Variants in FAM133A observed in about 807,000 individuals in gnomAD.
FAM133A encodes the protein family with sequence similarity 133 member A.
For synonymous variants in FAM133A, 65 were observed against 58.6 expected, an observed-to-expected ratio of 1.11 and a Z score of -0.50; for missense variants, 159 against 164.4, an observed-to-expected ratio of 0.97 and a Z score of 0.18.
At chrX:93,688,375 C>G (rs60724271) in intron 2 of FAM133A, among the ~76,000 whole-genome samples, 1,808 of 110,604 alleles carry the variant, frequency 0.016, 45 homozygotes, top group African/African-American at 0.056. Flanking sequence ...CACTGGTCCC[C>G]GAATCACTGA....
rs1170623487 is a variant in FAM133A at position 93,696,914 on chromosome X, C to T, written c.-192-1483C>T. On this transcript the variant is annotated intron_variant, in intron 2 of 3. Coordinates refer to ENST00000683942, the MANE Select transcript of FAM133A (RefSeq NM_001171109.2). ...CAGCCTGGGCGATAGAGTGAGACTC[C>T]GTCTCAAAAAGAAAAAAAAAAAAAG... is the stretch of plus-strand genomic sequence containing the variant. Among the ~76,000 whole-genome samples, 19 of 82,672 alleles carry T rather than the reference C, an allele frequency of 2.3e-4. No homozygotes were observed. In the East Asian group the frequency reaches 3.3e-3, roughly 14 times the overall value. 71.8% of individuals were successfully genotyped at this position (82,672 alleles called of 115,157 possible). A position where few individuals can be genotyped will look rare whatever the true frequency, so the allele number is the denominator to read the frequency against.
intron 2 of FAM133A, among the ~76,000 whole-genome samples, chrX:93,691,362 A>G (rs1286022328): frequency 8.9e-6 from 1 of 111,885 alleles, no homozygotes; most frequent in Admixed American, 9.5e-5. Context: ...TTTCTTTTCA[A>G]AAAAGATGGA....
At chrX:93,699,832 A>G (rs1252334062) in intron 3 of FAM133A, among the ~76,000 whole-genome samples, 1 of 111,241 alleles carries the variant, frequency 9.0e-6, no homozygotes. Flanking sequence ...TACTTAAAGT[A>G]TTTTCCTATC....
chrX:93,704,477 G>A, intron 3 of FAM133A, among the ~76,000 whole-genome samples: 1 of 111,310 alleles, frequency 9.0e-6, no homozygotes, highest in Non-Finnish European at 1.9e-5. Context: ...AGAGTTGAAT[G>A]CTTCAGATTA....
At position 93,712,004 on chromosome X, in the gene FAM133A, T is replaced by G. The variant is rs936070625; in HGVS notation, c.*1838T>G. ...TTCCAAACCTCTTGTAGTTAGGCAA[T>G]GCCATTTGACTACTTCAAGCAGAGG... On this transcript the variant is annotated 3_prime_UTR_variant, in exon 4 of 4. Transcript: ENST00000683942. 8.1e-6 allele frequency: 1 copy of G among 123,284 alleles called. No homozygotes were observed. Among genetic ancestry groups the G allele is most frequent in the African/African-American group, 3.3e-5 (1 of 30,765 alleles). 10.2% of individuals were successfully genotyped at this position (123,284 alleles called of 1,213,427 possible).
intron 3 of FAM133A, among the ~76,000 whole-genome samples, chrX:93,705,082 T>C (rs1393497126): frequency 9.0e-6 from 1 of 111,392 alleles, no homozygotes; most frequent in Admixed American, 9.6e-5. Context: ...TCCCCAGTCA[T>C]GATTATGATT....
intron 2 of FAM133A, among the ~76,000 whole-genome samples, chrX:93,679,662 A>G (rs758463745): frequency 1.8e-5 from 2 of 110,520 alleles, no homozygotes; most frequent in African/African-American, 6.6e-5. Flanking sequence ...GCATTTTAAC[A>G]TATATATTAC....
intron 2 of FAM133A, among the ~76,000 whole-genome samples, chrX:93,675,688 A>G (rs1202273129): frequency 1.8e-5 from 2 of 111,482 alleles, no homozygotes; most frequent in African/African-American, 6.5e-5. Flanking sequence ...AATTATTATC[A>G]CAATTTACAG....
chrX:93,687,546 A>G (rs1378669705), intron 2 of FAM133A, among the ~76,000 whole-genome samples: 2 of 111,929 alleles, frequency 1.8e-5, no homozygotes, highest in Non-Finnish European at 3.8e-5. Context: ...TAATGGTTAT[A>G]CATATTTACG....
chrX:93,708,746 C>T (rs1012131211), intron 3 of FAM133A, among the ~76,000 whole-genome samples: 14 of 111,839 alleles, frequency 1.3e-4, no homozygotes, highest in African/African-American at 4.5e-4. Context: ...ATAGCCCAAG[C>T]GAGAGATGAT....
intron 3 of FAM133A, among the ~76,000 whole-genome samples, chrX:93,705,579 G>A (rs1025696353): frequency 4.7e-4 from 52 of 111,180 alleles, no homozygotes; most frequent in Non-Finnish European, 3.2e-4. Flanking sequence ...AATCTTAGCA[G>A]ACAACCTTGG....
chrX:93,709,896 G>C lies in FAM133A; in HGVS notation c.477G>C (p.Lys159Asn). 8.4e-7 allele frequency: 1 copy of C among 1,196,733 alleles called. No individual in the cohort carries two copies. Among genetic ancestry groups the C allele is most frequent in the African/African-American group, 1.8e-5 (1 of 56,844 alleles). The change falls in exon 4 of 4, where the codon AAG (lysine) becomes AAC (asparagine). Residue 159 changes from lysine (K) to asparagine (N), a missense_variant. Coordinates refer to ENST00000683942, the MANE Select transcript of FAM133A (RefSeq NM_001171109.2). ...CAGAGAGCAAGGAGTCTGTAAAAAA[G>C]AAAAAGAAGTCAAAGGATGAAACAG... ...SESESKESVK[K>N]KKKSKDETEK...
intron 2 of FAM133A, among the ~76,000 whole-genome samples, chrX:93,682,264 A>G (rs1354415031): frequency 1.8e-5 from 2 of 112,231 alleles, no homozygotes; most frequent in Non-Finnish European, 3.8e-5. Flanking sequence ...TTCTGATAAC[A>G]TAGTGCATGT....
chrX:93,702,999 G>A (rs1035698811), intron 3 of FAM133A, among the ~76,000 whole-genome samples: 12 of 110,119 alleles, frequency 1.1e-4, no homozygotes, highest in Non-Finnish European at 2.1e-4. Flanking sequence ...ATCAGCCGTG[G>A]TGACATGGCG....
intron 2 of FAM133A, among the ~76,000 whole-genome samples, chrX:93,681,035 G>A (rs980013985): frequency 9.0e-6 from 1 of 110,943 alleles, no homozygotes; most frequent in Non-Finnish European, 1.9e-5. Context: ...ACCACATCAC[G>A]GAAGAATACT....
chrX:93,704,010 A>G (rs1271116545), intron 3 of FAM133A, among the ~76,000 whole-genome samples: 2 of 112,065 alleles, frequency 1.8e-5, no homozygotes, highest in South Asian at 7.4e-4. Flanking sequence ...TCCAGTCAGG[A>G]TAAGAGTGAT....
rs33985910 is a variant in FAM133A, at chrX:93,702,837, TAAAAAAAAAAAAAAAAA to T, written c.-104+4369_-104+4385del. 1.9e-3 allele frequency among the ~76,000 whole-genome samples: 82 copies of T among 43,045 alleles called. 1 individual carries two copies. The highest frequency in any genetic ancestry group is 6.8e-3 in the African/African-American group (78 of 11,551). The allele number at this position is 43,045 out of a possible 115,157, so 37.4% of individuals were successfully genotyped here. On this transcript the variant is annotated intron_variant, in intron 3 of 3. Transcript: ENST00000683942. Reference sequence around the variant, plus strand: ...ACTTACAATCTAATTATAGCTATGATAAAAAAAAAAAAAAAAAAAAAAAAAAAAAAAAACAACACTAG... The same window carrying T: ...ACTTACAATCTAATTATAGCTATGATAAAAAAAAAAAAAAAACAACACTAG...
chrX:93,683,730 C>G (rs1038701178), intron 2 of FAM133A, among the ~76,000 whole-genome samples: 1 of 111,300 alleles, frequency 9.0e-6, no homozygotes, highest in African/African-American at 3.3e-5. Context: ...AATGATATCT[C>G]TTCGTGGTTT....
At chrX:93,677,881 A>C (rs2147577122) in intron 2 of FAM133A, among the ~76,000 whole-genome samples, 1 of 111,883 alleles carries the variant, frequency 8.9e-6, no homozygotes, top group South Asian at 3.7e-4. Flanking sequence ...TTGGTATATA[A>C]GTTTTGTATG....
Sources: gnomAD v4.1 joint callset for allele counts (sites outside exome capture counted in the v4.1 genomes callset) on GRCh38, gnomAD v4.1.1 for gene constraint, MANE v1.5 for transcripts, NCBI Gene and HGNC (gene_info 2026-07-23, HGNC 2026-07-21) for gene names.